BMP6: variants seen among roughly 807,000 people sequenced by gnomAD.
BMP6 encodes bone morphogenetic protein 6, also known as VG-1-R.
In BMP6, 17 loss-of-function variants were observed where a neutral mutation model predicts 54.1. That is an observed-to-expected ratio of 0.31 (90% CI 0.22 to 0.47). The LOEUF (loss-of-function observed/expected upper bound fraction) is 0.47. BMP6 is among the 20% of genes least tolerant of loss of function. The pLI is 1.00. For synonymous variants in BMP6, 328 were observed against 291.2 expected, an observed-to-expected ratio of 1.13 and a Z score of -1.28; for missense variants, 720 against 690.4, an observed-to-expected ratio of 1.04 and a Z score of -0.48.
chr6:7,741,291 CATT>C (rs3031753), intron 1 of BMP6, among the ~76,000 whole-genome samples: 3 of 151,788 alleles, frequency 2.0e-5, no homozygotes, highest in East Asian at 1.9e-4. Context: ...TCTTTATTAT[CATT>C]ATTATTATTA....
At chr6:7,851,588 G>T (rs1176139369) in intron 2 of BMP6, among the ~76,000 whole-genome samples, 1 of 150,500 alleles carries the variant, frequency 6.6e-6, no homozygotes, top group African/African-American at 2.5e-5. Flanking sequence ...TTGCTTTATT[G>T]TGCTGGCTGG....
chr6:7,846,881 T>G (rs1759073962), intron 2 of BMP6, among the ~76,000 whole-genome samples: 1 of 152,238 alleles, frequency 6.6e-6, no homozygotes, highest in Non-Finnish European at 1.5e-5. Flanking sequence ...ATTATGTTTC[T>G]CTGGTTAGAA....
chr6:7,786,253 C>T (rs1306306871), intron 1 of BMP6, among the ~76,000 whole-genome samples: 2 of 152,102 alleles, frequency 1.3e-5, no homozygotes, highest in African/African-American at 2.4e-5. Flanking sequence ...CATGATGGCA[C>T]ATCTGGGCAC....
chr6:7,806,470 A>G (rs1292789701), intron 1 of BMP6, among the ~76,000 whole-genome samples: 1 of 152,094 alleles, frequency 6.6e-6, no homozygotes, highest in Non-Finnish European at 1.5e-5. Flanking sequence ...TTCTTCCCCT[A>G]CCTGAAATTT....
chr6:7,844,277 C>T (rs1262844402), intron 1 of BMP6, among the ~76,000 whole-genome samples: 2 of 151,992 alleles, frequency 1.3e-5, no homozygotes, highest in Admixed American at 6.5e-5. Flanking sequence ...TTTCTTCATT[C>T]ATCTTTCAGT....
chr6:7,829,881 T>C (rs1179009746), intron 1 of BMP6, among the ~76,000 whole-genome samples: 2 of 152,226 alleles, frequency 1.3e-5, no homozygotes, highest in Non-Finnish European at 2.9e-5. Context: ...AAATGGGTTA[T>C]TGATACTACA....
At chr6:7,825,090 G>C (rs1758671883) in intron 1 of BMP6, among the ~76,000 whole-genome samples, 1 of 152,210 alleles carries the variant, frequency 6.6e-6, no homozygotes, top group Admixed American at 6.5e-5. Context: ...GCCGAGGCCA[G>C]AGGGTTGCTT....
chr6:7,755,013 C>T (rs368361909), intron 1 of BMP6, among the ~76,000 whole-genome samples: 38 of 152,298 alleles, frequency 2.5e-4, no homozygotes, highest in African/African-American at 8.9e-4. Context: ...CCACCGCGCC[C>T]GGACTAATTT....
chr6:7,762,464 G>A (rs1341259874), intron 1 of BMP6, among the ~76,000 whole-genome samples: 1 of 152,188 alleles, frequency 6.6e-6, no homozygotes, highest in Non-Finnish European at 1.5e-5. Flanking sequence ...AAGGCATGAC[G>A]TGGGGGAATT....
At chr6:7,853,181 T>A (rs1443674004) in intron 2 of BMP6, among the ~76,000 whole-genome samples, 1 of 152,178 alleles carries the variant, frequency 6.6e-6, no homozygotes, top group Admixed American at 6.5e-5. Context: ...GCTTGGTTGC[T>A]CTAAGAGAAC....
chr6:7,871,609 G>A (rs773061787), intron 4 of BMP6, among the ~76,000 whole-genome samples: 11 of 152,220 alleles, frequency 7.2e-5, no homozygotes, highest in African/African-American at 2.2e-4. Flanking sequence ...GCCTCTGGGC[G>A]GCTGGTGCCC....
chr6:7,750,100 T>C (rs1431826268), intron 1 of BMP6, among the ~76,000 whole-genome samples: 1 of 152,322 alleles, frequency 6.6e-6, no homozygotes, highest in East Asian at 1.9e-4. Flanking sequence ...AGGGTGCTTT[T>C]ACTCACTGTC....
At chr6:7,869,115 G>T (rs1307658627) in intron 4 of BMP6, among the ~76,000 whole-genome samples, 1 of 152,204 alleles carries the variant, frequency 6.6e-6, no homozygotes, top group East Asian at 1.9e-4. Flanking sequence ...CCCTAGCCCC[G>T]TCATACTCAC....
chr6:7,826,555 A>G (rs1166126638), intron 1 of BMP6, among the ~76,000 whole-genome samples: 5 of 152,206 alleles, frequency 3.3e-5, no homozygotes, highest in Non-Finnish European at 7.3e-5. Context: ...CAAAACTCAG[A>G]CCATCAGTTG....
At chr6:7,727,722 T>G (rs1341992001) in intron 1 of BMP6, 103 bp downstream of exon 1, 4 of 1,307,478 alleles carry the variant, frequency 3.1e-6, no homozygotes, top group Non-Finnish European at 3.9e-6. Context: ...GGCGCGCGGG[T>G]CCCGCCTGGT....
intron 1 of BMP6, among the ~76,000 whole-genome samples, chr6:7,766,009 C>A (rs1757681531): frequency 6.6e-6 from 1 of 152,140 alleles, no homozygotes; most frequent in Non-Finnish European, 1.5e-5. Context: ...TCTCAAAAAT[C>A]TTACCTTAAG....
intron 1 of BMP6, among the ~76,000 whole-genome samples, chr6:7,797,038 C>A (rs758252267): frequency 2.0e-5 from 3 of 152,162 alleles, no homozygotes; most frequent in Non-Finnish European, 4.4e-5. Flanking sequence ...GAATCTAGAT[C>A]TCAGTGTCTC....
chr6:7,742,963 T>G (rs921323791), intron 1 of BMP6, among the ~76,000 whole-genome samples: 8 of 152,198 alleles, frequency 5.3e-5, no homozygotes, highest in Non-Finnish European at 7.3e-5. Context: ...GTATGTGAGA[T>G]ATAAACACTT....
chr6:7,755,489 T>C (rs965313958), intron 1 of BMP6, among the ~76,000 whole-genome samples: 3 of 152,230 alleles, frequency 2.0e-5, no homozygotes, highest in African/African-American at 7.2e-5. Flanking sequence ...TTTGTACTAT[T>C]GTTTTCATAT....
Sources: allele counts gnomAD v4.1 joint callset (sites outside exome capture counted in the v4.1 genomes callset), GRCh38; gene constraint gnomAD v4.1.1; transcripts MANE v1.5; gene names NCBI Gene and HGNC (gene_info 2026-07-23, HGNC 2026-07-21).